The following ZNF500 variants were observed in gnomAD, a reference collection of about 807,000 sequenced individuals.
ZNF500 encodes zinc finger protein with KRAB and SCAN domains 18.
ZNF500 carries 31 observed loss-of-function variants against 30.1 expected under a neutral mutation model. The observed-to-expected ratio is 1.03, with a 90% CI of 0.77 to 1.39. ZNF500 has a LOEUF of 1.39. Among genes scored for constraint, ZNF500 ranks in the 40% most tolerant of loss-of-function variants. ZNF500 has a pLI of 0.00. For synonymous variants in ZNF500, 392 were observed against 282.0 expected (o/e 1.39, Z -3.91); for missense variants, 817 against 657.8 (o/e 1.24, Z -2.65).
At position 4,752,331 on chromosome 16, in the gene ZNF500, T is replaced by G; in HGVS notation, c.*45A>C. ...CTGTCTAGCAGTTTCCTGAATTCTGTGCCCAGGGATGAGAGTCCTGGAAAG... is the reference window on the plus strand; with the variant it reads ...CTGTCTAGCAGTTTCCTGAATTCTGGGCCCAGGGATGAGAGTCCTGGAAAG... On this transcript the variant is annotated 3_prime_UTR_variant, in exon 6 of 6. Coordinates refer to ENST00000219478, the MANE Select transcript of ZNF500 (RefSeq NM_021646.4). The G allele has an allele frequency of 6.9e-7, 1 of 1,442,516 alleles. No homozygotes were observed. Among genetic ancestry groups the G allele is most frequent in the Non-Finnish European group, 9.1e-7 (1 of 1,102,834 alleles). 89.4% of individuals were successfully genotyped at this position (1,442,516 alleles called of 1,614,324 possible). A position where few individuals can be genotyped will look rare whatever the true frequency, so the allele number is the denominator to read the frequency against.
At chr16:4,746,461 T>C (rs781214626), downstream of ZNF500, 2 of 1,613,798 alleles carry the variant, frequency 1.2e-6, no homozygotes, top group Admixed American at 3.3e-5. Flanking sequence ...TCCCCCACCA[T>C]CTTTATTGAC....
Position 4,751,319 on chromosome 16 carries a change from C to A in ZNF500, c.*1057G>T, listed in dbSNP as rs1195271016. 1 of 458,868 alleles carries A rather than the reference C, an allele frequency of 2.2e-6. No homozygotes were observed. Among genetic ancestry groups the A allele is most frequent in the Non-Finnish European group, 3.9e-6 (1 of 255,586 alleles). The allele number at this position is 458,868 out of a possible 1,614,324, so 28.4% of individuals were successfully genotyped here. On this transcript the variant is annotated 3_prime_UTR_variant, in exon 6 of 6. Transcript: ENST00000219478. Reference sequence around the variant, plus strand: ...CTTACCTTAGAAAGACAAAGTGGGGCAACCGTGGAAGGCCACATTCCAGAC... The same window carrying A: ...CTTACCTTAGAAAGACAAAGTGGGGAAACCGTGGAAGGCCACATTCCAGAC...
Position 4,752,391 on chromosome 16 carries a change from G to A in ZNF500, c.1428C>T (p.Pro476=), listed in dbSNP as rs1200994894. The part of the protein sequence containing the change: ...PTLQPVAPGG[P]GAKA The stretch of plus-strand genomic sequence containing the variant: ...GGCCTGGTGATCAGGCTTTGGCACC[G>A]GGGCCTCCAGGAGCCACCGGCTGGA... Residue 476 remains proline (P), a synonymous_variant, in exon 6 of 6, where the codon CCC becomes CCT. Coordinates refer to ENST00000219478, the MANE Select transcript of ZNF500 (RefSeq NM_021646.4). 31 of 1,505,462 alleles carry A rather than the reference G, an allele frequency of 2.1e-5. No individual in the cohort carries two copies. In the East Asian group the frequency reaches 3.0e-4, roughly 14 times the overall value. The allele number at this position is 1,505,462 out of a possible 1,614,324, so 93.3% of individuals were successfully genotyped here.
chr16:4,752,601 C>T lies in ZNF500; in HGVS notation c.1218G>A (p.Glu406=). The T allele has an allele frequency of 1.9e-6, 3 of 1,597,348 alleles. No homozygotes were observed. The South Asian group carries it at 3.3e-5, about 18-fold the overall frequency. The change falls in exon 6 of 6, where the codon GAG becomes GAA. Residue 406 remains glutamate, a synonymous_variant. Coordinates refer to ENST00000219478, the MANE Select transcript of ZNF500 (RefSeq NM_021646.4). ...LVIHRRTHSG[E]RPYACTQCGK... is the part of the protein sequence containing the mutation. Reference sequence around the variant, plus strand: ...CGCACTGGGTGCAGGCATAGGGCCGCTCCCCGCTGTGTGTCCTGCGGTGGA... The same window carrying T: ...CGCACTGGGTGCAGGCATAGGGCCGTTCCCCGCTGTGTGTCCTGCGGTGGA...
In ZNF500 at chr16:4,752,775, C is replaced by G. The variant is rs748657340; in HGVS notation, c.1044G>C (p.Thr348=). Residue 348 remains threonine (T), a synonymous_variant, in exon 6 of 6, where the codon ACG becomes ACC. Coordinates refer to ENST00000219478, the MANE Select transcript of ZNF500 (RefSeq NM_021646.4). ...SHLTKHQRTH[T]GERPYKCLVC... is the part of the protein sequence containing the mutation. ...CTAGGCACTTGTAAGGCCGCTCGCC[C>G]GTGTGTGTGCGCTGGTGCTTGGTCA... is the stretch of plus-strand genomic sequence containing the variant. The G allele has an allele frequency of 1.9e-6, 3 of 1,614,216 alleles. No homozygotes were observed. In the Admixed American group the frequency reaches 5.0e-5, roughly 27 times the overall value.
chr16:4,745,070 T>C, downstream of ZNF500: 1 of 1,569,756 alleles, frequency 6.4e-7, no homozygotes, highest in Non-Finnish European at 8.7e-7. Context: ...CATGGTTTTG[T>C]AGCACTGACT....
At chr16:4,763,806 G>A in intron 2 of ZNF500, 1 of 985,442 alleles carries the variant, frequency 1.0e-6, no homozygotes. Context: ...CCACCCCGAT[G>A]GCAGGATTTT....
chr16:4,753,099 G>A, intron 5 of ZNF500, 41 bp from the exon 6 acceptor site: 1 of 1,497,486 alleles, frequency 6.7e-7, no homozygotes, highest in Non-Finnish European at 8.8e-7. Context: ...CTCACAGCAA[G>A]AGGGCAAGGG....
intron 5 of ZNF500, chr16:4,753,311 A>C: frequency 1.2e-5 from 7 of 583,488 alleles, no homozygotes; most frequent in Non-Finnish European, 1.6e-5. Flanking sequence ...AAATAAACAA[A>C]ACTAGCTGGG....
chr16:4,766,362 G>A (rs978051061), intron 1 of ZNF500, among the ~76,000 whole-genome samples: 2 of 152,298 alleles, frequency 1.3e-5, no homozygotes, highest in South Asian at 4.1e-4. Flanking sequence ...AGTAGCTGAC[G>A]CCTGTAATCC....
In ZNF500 at chr16:4,752,267, T is replaced by A; in HGVS notation, c.*109A>T. On this transcript the variant is annotated 3_prime_UTR_variant, in exon 6 of 6. Coordinates refer to ENST00000219478, the MANE Select transcript of ZNF500 (RefSeq NM_021646.4). ...CCCCTGCTGGCCTCATACTGGGCCA[T>A]GGGAGGAAACGGGCAGCTGGCAATG... The A allele has an allele frequency of 1.4e-6, 2 of 1,429,604 alleles. No homozygotes were observed. Among genetic ancestry groups the A allele is most frequent in the South Asian group, 1.5e-5 (1 of 64,928 alleles). 88.6% of individuals were successfully genotyped at this position (1,429,604 alleles called of 1,614,324 possible). A position where few individuals can be genotyped will look rare whatever the true frequency, so the allele number is the denominator to read the frequency against.
rs369521928 is a variant in ZNF500 at position 4,752,479 on chromosome 16, C to T, written c.1340G>A (p.Arg447His). ...GTGCTTGTGCAGGTCGGTGCCCCGG[C>T]GGAAGCCCCGGCCACAGGCCGGGCA... ...YTCPACGRGF[R>H]RGTDLHKHQR... The change falls in exon 6 of 6, where the codon CGC becomes CAC. Residue 447 changes from arginine (R) to histidine (H), a missense_variant. Physicochemically the swap from Arg to His is conservative, Grantham distance 29. Coordinates refer to ENST00000219478, the MANE Select transcript of ZNF500 (RefSeq NM_021646.4). 1.4e-4 allele frequency: 219 copies of T among 1,545,906 alleles called. 4 individuals carry two copies. Among genetic ancestry groups the T allele is most frequent in the Non-Finnish European group, 1.8e-4 (205 of 1,150,590 alleles).
chr16:4,765,059 G>A (rs912984573), intron 2 of ZNF500, among the ~76,000 whole-genome samples: 5 of 152,238 alleles, frequency 3.3e-5, no homozygotes, highest in South Asian at 4.2e-4. Context: ...CCAGCACTTC[G>A]GGAGGCCAAG....
chr16:4,747,640 G>C, downstream of ZNF500: 3 of 1,592,856 alleles, frequency 1.9e-6, no homozygotes, highest in Non-Finnish European at 2.6e-6. Flanking sequence ...CTCAGGTAGT[G>C]GGATCCCAGG....
chr16:4,760,338 C>G (rs577854417), intron 5 of ZNF500, among the ~76,000 whole-genome samples, 154 bp downstream of exon 5: 105 of 152,242 alleles, frequency 6.9e-4, no homozygotes, highest in African/African-American at 2.4e-3. Flanking sequence ...GCTGTGCAGG[C>G]CCTGCAGGTG....
chr16:4,767,138 A>T lies in ZNF500; in HGVS notation c.-220T>A, dbSNP rs1340946696. 6.6e-6 allele frequency: 1 copy of T among 152,306 alleles called. No individual in the cohort carries two copies. The highest frequency in any genetic ancestry group is 1.5e-5 in the Non-Finnish European group (1 of 68,100). The allele number at this position is 152,306 out of a possible 1,614,324, so 9.4% of individuals were successfully genotyped here. A position where few individuals can be genotyped will look rare whatever the true frequency, so the allele number is the denominator to read the frequency against. On this transcript the variant is annotated 5_prime_UTR_variant, in exon 1 of 6. Coordinates refer to ENST00000219478, the MANE Select transcript of ZNF500 (RefSeq NM_021646.4). The stretch of plus-strand genomic sequence containing the variant: ...CGCCAGAGCCGGGGCCGAAGACCCT[A>T]AACCAGGGGTGCAAACCAGGCCGTG...
chr16:4,746,393 G>T, downstream of ZNF500: 2 of 1,612,588 alleles, frequency 1.2e-6, no homozygotes, highest in Non-Finnish European at 1.7e-6. Context: ...CAAGGAAGCA[G>T]GGCTCCCAGG....
At chr16:4,753,306 A>C in intron 5 of ZNF500, 2 of 622,586 alleles carry the variant, frequency 3.2e-6, no homozygotes, top group Non-Finnish European at 4.9e-6. Flanking sequence ...ACAGAAAATA[A>C]ACAAAACTAG....
Position 4,752,104 on chromosome 16 carries a change from C to CT in ZNF500, c.*271dup, listed in dbSNP as rs1023539680. 7.5e-7 allele frequency: 1 copy of CT among 1,333,600 alleles called. No individual in the cohort carries two copies. Among genetic ancestry groups the CT allele is most frequent in the African/African-American group, 1.5e-5 (1 of 67,100 alleles). The allele number at this position is 1,333,600 out of a possible 1,614,324, so 82.6% of individuals were successfully genotyped here. Reference sequence around the variant, plus strand: ...AACACCTTGAGTGTCGGCTTCTGGCCTCCTGAGTGTGTCTCTGTGGCTGAA... The same window carrying CT: ...AACACCTTGAGTGTCGGCTTCTGGCCTTCCTGAGTGTGTCTCTGTGGCTGAA... On this transcript the variant is annotated 3_prime_UTR_variant, in exon 6 of 6. Transcript: ENST00000219478.
Sources: allele counts gnomAD v4.1 joint callset (sites outside exome capture counted in the v4.1 genomes callset), GRCh38; gene constraint gnomAD v4.1.1; transcripts MANE v1.5; gene names NCBI Gene and HGNC (gene_info 2026-07-23, HGNC 2026-07-21).